Variants in SLC22A14 observed in about 807,000 individuals in gnomAD.
SLC22A14 encodes solute carrier family 22 member 14.
Under a neutral mutation model 53.9 loss-of-function variants are expected in SLC22A14, and 50 were observed. That is an observed-to-expected ratio of 0.93 (90% confidence interval 0.74 to 1.17). SLC22A14 has a LOEUF of 1.17. SLC22A14 is among the 50% of genes most tolerant of loss of function. The pLI is 0.00. For synonymous variants in SLC22A14, 312 were observed against 303.0 expected (o/e 1.03, Z -0.31); for missense variants, 671 against 734.7 (o/e 0.91, Z 1.00).
chr3:38,313,685 T>TGTGC, intron 7 of SLC22A14, 42 bp from the exon 8 acceptor site: 7 of 900,592 alleles, frequency 7.8e-6, no homozygotes, highest in South Asian at 1.4e-5. Flanking sequence ...TCCGTGTGTG[T>TGTGC]GCGCGCGTGT....
At chr3:38,316,261 C>A in intron 9 of SLC22A14, 63 bp from the exon 10 acceptor site, 1 of 1,448,162 alleles carries the variant, frequency 6.9e-7, no homozygotes, top group Non-Finnish European at 9.7e-7. Context: ...CATGTAGCTG[C>A]TGGCCCTGCC....
rs529640267 is a variant in SLC22A14 at position 38,309,016 on chromosome 3, G to T, written c.838G>T (p.Ala280Ser). 6.2e-7 allele frequency: 1 copy of T among 1,614,076 alleles called. No homozygotes were observed. The highest frequency in any genetic ancestry group is 1.1e-5 in the South Asian group (1 of 91,082). ...CATTATCCTGGGACACTGCTTTTTC[G>T]CTGTTGGGGCCGTGTTGCTGACAGG... ...HAIILGHCFF[A>S]VGAVLLTGIA... The change falls in exon 5 of 11, where the codon GCT becomes TCT. Residue 280 changes from alanine (A) to serine (S), a missense_variant. Transcript: ENST00000448498.
At chr3:38,290,258 G>A (rs1703883072) in intron 1 of SLC22A14, among the ~76,000 whole-genome samples, 2 of 152,296 alleles carry the variant, frequency 1.3e-5, no homozygotes, top group Non-Finnish European at 2.9e-5. Context: ...CTGCGGAATT[G>A]GGGCGTAGTA....
chr3:38,297,822 C>A (rs1225791625), intron 1 of SLC22A14, among the ~76,000 whole-genome samples: 2 of 152,024 alleles, frequency 1.3e-5, no homozygotes, highest in African/African-American at 4.8e-5. Flanking sequence ...TTATTATTTT[C>A]CCCTTTGTAA....
At chr3:38,291,981 T>C (rs1461200575) in intron 1 of SLC22A14, among the ~76,000 whole-genome samples, 1 of 152,234 alleles carries the variant, frequency 6.6e-6, no homozygotes, top group East Asian at 1.9e-4. Context: ...GATACATTCT[T>C]CACTGAGGGT....
chr3:38,313,045 AAGG>A lies in SLC22A14; in HGVS notation c.995_997del (p.Glu332del). Reference sequence around the variant, plus strand: ...GTGGCTGATGATGAAAGGGAAGGTGAAGGAGGCCAAGCAGGTGCTGTGCTACGC... The same window carrying A: ...GTGGCTGATGATGAAAGGGAAGGTGAAGGCCAAGCAGGTGCTGTGCTACGC... On this transcript the variant is annotated inframe_deletion, in exon 6 of 11. Coordinates refer to ENST00000448498, the MANE Select transcript of SLC22A14 (RefSeq NM_001320033.2). 1.3e-6 allele frequency: 2 copies of A among 1,596,028 alleles called. No homozygotes were observed. The highest frequency in any genetic ancestry group is 1.7e-6 in the Non-Finnish European group (2 of 1,172,012).
chr3:38,286,783 G>A lies in SLC22A14; in HGVS notation c.-1+4444G>A, dbSNP rs187856271. Among the ~76,000 whole-genome samples the A allele has an allele frequency of 7.9e-5, 12 of 151,776 alleles. No individual in the cohort carries two copies. In the East Asian group the frequency reaches 2.3e-3, roughly 29 times the overall value. Reference sequence around the variant, plus strand: ...GTCTTGCTCTGTTGCCCAGGTGGGAGTGCAGTGGCCAGATCTCAGCTCACT... The same window carrying A: ...GTCTTGCTCTGTTGCCCAGGTGGGAATGCAGTGGCCAGATCTCAGCTCACT... On this transcript the variant is annotated intron_variant, in intron 1 of 10. Coordinates refer to ENST00000448498, the MANE Select transcript of SLC22A14 (RefSeq NM_001320033.2).
upstream of SLC22A14, among the ~76,000 whole-genome samples, chr3:38,281,592 C>T (rs969248935): frequency 2.0e-5 from 3 of 152,160 alleles, no homozygotes; most frequent in African/African-American, 7.2e-5. Context: ...ACCCATTAAT[C>T]TACTAATCCA....
chr3:38,302,852 C>T lies in SLC22A14; in HGVS notation c.1-3175C>T, dbSNP rs557002391. 2.0e-3 allele frequency among the ~76,000 whole-genome samples: 309 copies of T among 151,804 alleles called. No individual in the cohort carries two copies. In the Middle Eastern group the frequency reaches 0.02, roughly 10 times the overall value. On this transcript the variant is annotated intron_variant, in intron 1 of 10. Coordinates refer to ENST00000448498, the MANE Select transcript of SLC22A14 (RefSeq NM_001320033.2). ...TTGGGAGTATATATGTTTGCCTATT[C>T]CCTGAAAAAAAATTATATAAATTGG...
intron 4 of SLC22A14, among the ~76,000 whole-genome samples, chr3:38,308,679 G>A (rs1012151828): frequency 1.3e-5 from 2 of 152,232 alleles, no homozygotes; most frequent in Admixed American, 1.3e-4. Flanking sequence ...TAAGAGGCAC[G>A]TGGTCAGACA....
intron 1 of SLC22A14, among the ~76,000 whole-genome samples, chr3:38,288,386 T>C (rs1482931392): frequency 6.6e-6 from 1 of 152,240 alleles, no homozygotes. Flanking sequence ...ACAATGCTGC[T>C]GTGAACATGG....
chr3:38,283,618 T>C (rs1462292739), intron 1 of SLC22A14, among the ~76,000 whole-genome samples: 1 of 152,074 alleles, frequency 6.6e-6, no homozygotes, highest in African/African-American at 2.4e-5. Flanking sequence ...TCACTTGAGG[T>C]CAGGAGTTCG....
chr3:38,293,442 A>G (rs1018636567), intron 1 of SLC22A14, among the ~76,000 whole-genome samples: 1 of 152,108 alleles, frequency 6.6e-6, no homozygotes, highest in South Asian at 2.1e-4. Flanking sequence ...ACCAAGTTCA[A>G]TAGGGTTTTT....
intron 1 of SLC22A14, among the ~76,000 whole-genome samples, chr3:38,288,451 A>G (rs1304075847): frequency 6.6e-6 from 1 of 152,216 alleles, no homozygotes; most frequent in Non-Finnish European, 1.5e-5. Flanking sequence ...TGTACCCAGA[A>G]TTAGATTGTT....
chr3:38,305,806 T>G, intron 1 of SLC22A14: 1 of 552,642 alleles, frequency 1.8e-6, no homozygotes, highest in Non-Finnish European at 3.2e-6. Context: ...TTCTAAAACA[T>G]TAAAAATCTC....
At position 38,306,561 on chromosome 3, in the gene SLC22A14, T is replaced by A; in HGVS notation, c.516+19T>A. The A allele has an allele frequency of 6.3e-7, 1 of 1,592,994 alleles. No homozygotes were observed. The highest frequency in any genetic ancestry group is 8.6e-7 in the Non-Finnish European group (1 of 1,167,514). ...CAATGAGGTATGTCTTGTCATGGGT[T>A]GTCTGTAACTACCCTACAGGCTCAG... On this transcript the variant is annotated intron_variant, in intron 2 of 10. Transcript: ENST00000448498.
chr3:38,292,606 G>T (rs142568222), intron 1 of SLC22A14, among the ~76,000 whole-genome samples: 1 of 152,118 alleles, frequency 6.6e-6, no homozygotes, highest in Non-Finnish European at 1.5e-5. Flanking sequence ...GTTGGGCCTC[G>T]TGTCTAAGGG....
chr3:38,313,695 T>TGTGTGC (rs764031077), intron 7 of SLC22A14, 32 bp from the exon 8 acceptor site: 14 of 1,339,412 alleles, frequency 1.0e-5, no homozygotes, highest in Admixed American at 1.9e-5. Context: ...TGCGCGCGTG[T>TGTGTGC]GCACGCGCAC....
intron 1 of SLC22A14, among the ~76,000 whole-genome samples, chr3:38,288,042 G>A (rs946159966): frequency 1.3e-4 from 20 of 152,046 alleles, no homozygotes; most frequent in South Asian, 2.1e-4. Flanking sequence ...ATCCATCTCC[G>A]GAACGATTTC....
Sources: allele counts gnomAD v4.1 joint callset (sites outside exome capture counted in the v4.1 genomes callset), GRCh38; gene constraint gnomAD v4.1.1; transcripts MANE v1.5; gene names NCBI Gene and HGNC (gene_info 2026-07-23, HGNC 2026-07-21).